MAGT1: variants seen among roughly 807,000 people sequenced by gnomAD.
MAGT1 encodes the protein magnesium transporter 1.
A neutral mutation model predicts 28.4 loss-of-function variants in MAGT1; 4 were observed. The ratio of observed to expected loss-of-function variants is 0.14; its 90% confidence interval spans 0.07 to 0.32. The LOEUF (loss-of-function observed/expected upper bound fraction) is 0.32. Among genes scored for constraint, MAGT1 ranks in the 10% least tolerant of loss-of-function variants. The pLI is 1.00. For missense variants in MAGT1, 193 were observed against 264.5 expected, an observed-to-expected ratio of 0.73 and a Z score of 1.88; for synonymous variants, 89 against 89.7, an observed-to-expected ratio of 0.99 and a Z score of 0.04.
chrX:77,835,483 T>C lies in MAGT1; in HGVS notation c.902-4588A>G, dbSNP rs1012653617. Among the ~76,000 whole-genome samples the C allele has an allele frequency of 3.6e-5, 4 of 111,441 alleles. No homozygotes were observed. The East Asian group carries it at 1.1e-3, about 31-fold the overall frequency. ...AACCCTTGTACACTGTTGTACACTGTTGGGGGGAATGTAAGTTAGTATAAC... is the reference window on the plus strand; with the variant it reads ...AACCCTTGTACACTGTTGTACACTGCTGGGGGGAATGTAAGTTAGTATAAC... On this transcript the variant is annotated intron_variant, in intron 8 of 9. Transcript: ENST00000618282.
chrX:77,832,426 A>G (rs1328762973), intron 8 of MAGT1, among the ~76,000 whole-genome samples: 3 of 111,547 alleles, frequency 2.7e-5, no homozygotes, highest in Admixed American at 1.9e-4. Context: ...AAAATTGCAG[A>G]AAAAAACCCT....
chrX:77,868,650 C>T, intron 3 of MAGT1: 1 of 308,419 alleles, frequency 3.2e-6, no homozygotes. Context: ...AAACCTGAAA[C>T]TAAAAAGAAA....
At chrX:77,845,977 C>G (rs148001958) in intron 7 of MAGT1, among the ~76,000 whole-genome samples, 4,171 of 111,325 alleles carry the variant, frequency 0.037, 117 homozygotes, top group African/African-American at 0.1. Flanking sequence ...TTTGAATGTT[C>G]GCCTGCCTTG....
intron 8 of MAGT1, among the ~76,000 whole-genome samples, chrX:77,834,217 TATATATATGCATATATGTATATATATGC>T (rs1278407655): frequency 2.0e-5 from 2 of 99,559 alleles, no homozygotes; most frequent in Non-Finnish European, 4.0e-5. Context: ...TACATGTGTG[TATATATATGCATATATGTATATATATGC>T]ATATATATAC....
intron 3 of MAGT1, among the ~76,000 whole-genome samples, chrX:77,862,741 T>C (rs1222654956): frequency 9.0e-6 from 1 of 111,538 alleles, no homozygotes; most frequent in African/African-American, 3.3e-5. Flanking sequence ...ATTATTATTA[T>C]TAGAAAAGCT....
intron 7 of MAGT1, among the ~76,000 whole-genome samples, chrX:77,845,092 T>G (rs782092750): frequency 3.4e-4 from 38 of 111,422 alleles, no homozygotes; most frequent in African/African-American, 1.1e-3. Flanking sequence ...TCTCTTTGTA[T>G]GTCTCTAAGG....
rs1032635187 is a variant in MAGT1 at position 77,857,439 on chromosome X, C to T, written c.449G>A (p.Arg150Gln). Residue 150 changes from arginine to glutamine, a missense_variant, in exon 4 of 10, where the codon CGG becomes CAG. Coordinates refer to ENST00000618282, the MANE Select transcript of MAGT1 (RefSeq NM_001367916.1). ...INFPAKGKPK[R>Q]GDTYELQVRG... ...CACCTGTAACTCATATGTATCACCC[C>T]GTTTGGGTTTCCCTTTTGCAGGAAA... 4.6e-5 allele frequency: 56 copies of T among 1,209,985 alleles called. No homozygotes were observed. The highest frequency in any genetic ancestry group is 8.8e-5 in the Admixed American group (4 of 45,655).
chrX:77,887,077 T>A, intron 1 of MAGT1, among the ~76,000 whole-genome samples: 1 of 111,405 alleles, frequency 9.0e-6, no homozygotes, highest in African/African-American at 3.3e-5. Flanking sequence ...TAAGGGAATT[T>A]CTTGTTTTCT....
intron 1 of MAGT1, chrX:77,885,724 G>C (rs2077066200): frequency 9.0e-6 from 1 of 110,508 alleles, no homozygotes; most frequent in Non-Finnish European, 1.9e-5. Flanking sequence ...GCTCATGCCT[G>C]TAATCCCAGC....
chrX:77,875,607 A>G lies in MAGT1; in HGVS notation c.103-10T>C, dbSNP rs1569548192. ...TTTCAGATAACACCATCTAAAAAAG[A>G]CAAAGTGAGCATGCTATTAATATAC... On this transcript the variant is annotated splice_polypyrimidine_tract_variant and intron_variant, in intron 1 of 9. Coordinates refer to ENST00000618282, the MANE Select transcript of MAGT1 (RefSeq NM_001367916.1). The G allele has an allele frequency of 2.5e-6, 3 of 1,203,727 alleles. No homozygotes were observed. The highest frequency in any genetic ancestry group is 4.4e-5 in the Admixed American group (2 of 45,793).
chrX:77,848,826 G>A (rs1201406300), intron 7 of MAGT1, among the ~76,000 whole-genome samples: 1 of 110,257 alleles, frequency 9.1e-6, no homozygotes, highest in African/African-American at 3.3e-5. Flanking sequence ...CAGCCTGGAC[G>A]ACAGGGCGAG....
intron 3 of MAGT1, among the ~76,000 whole-genome samples, chrX:77,866,360 T>TG (rs1557216922): frequency 1.5e-5 from 1 of 66,426 alleles, no homozygotes; most frequent in African/African-American, 3.5e-5. Flanking sequence ...CATTGGAAAG[T>TG]ATAACACATA....
At chrX:77,845,191 T>A (rs1285304775) in intron 7 of MAGT1, among the ~76,000 whole-genome samples, 2 of 111,825 alleles carry the variant, frequency 1.8e-5, no homozygotes, top group Non-Finnish European at 3.8e-5. Flanking sequence ...CCCTTTACCA[T>A]TATATAATGG....
At chrX:77,872,093 A>AT (rs2077021903) in intron 2 of MAGT1, among the ~76,000 whole-genome samples, 1 of 108,804 alleles carries the variant, frequency 9.2e-6, no homozygotes, top group Non-Finnish European at 1.9e-5. Context: ...CCCAGGCTGG[A>AT]GTGCAGTGGC....
intron 1 of MAGT1, among the ~76,000 whole-genome samples, chrX:77,893,246 G>T (rs978732600): frequency 8.9e-6 from 1 of 112,338 alleles, no homozygotes; most frequent in Non-Finnish European, 1.9e-5. Context: ...GAGGAAGAAA[G>T]AAGATACTGT....
At chrX:77,858,897 T>G (rs1485617184) in intron 3 of MAGT1, among the ~76,000 whole-genome samples, 1 of 110,879 alleles carries the variant, frequency 9.0e-6, no homozygotes, top group Non-Finnish European at 1.9e-5. Context: ...CACCTCTACA[T>G]TTTTGAAAAT....
intron 5 of MAGT1, 120 bp from the exon 6 acceptor site, chrX:77,855,710 G>T (rs782010158): frequency 4.2e-6 from 2 of 472,822 alleles, no homozygotes; most frequent in African/African-American, 2.4e-5. Flanking sequence ...GCAGATAAAT[G>T]ATTTATTAAG....
At chrX:77,845,090 T>C (rs1286445565) in intron 7 of MAGT1, among the ~76,000 whole-genome samples, 5 of 111,522 alleles carry the variant, frequency 4.5e-5, no homozygotes, top group Non-Finnish European at 9.4e-5. Flanking sequence ...AGTCTCTTTG[T>C]ATGTCTCTAA....
intron 1 of MAGT1, among the ~76,000 whole-genome samples, chrX:77,890,891 T>A (rs1314566681): frequency 2.7e-5 from 3 of 111,331 alleles, no homozygotes; most frequent in Non-Finnish European, 5.6e-5. Flanking sequence ...AACTACAGAC[T>A]TTTTTGGAAA....
Sources: allele counts gnomAD v4.1 joint callset (sites outside exome capture counted in the v4.1 genomes callset), GRCh38; gene constraint gnomAD v4.1.1; transcripts MANE v1.5; gene names NCBI Gene and HGNC (gene_info 2026-07-23, HGNC 2026-07-21).